Variants in KIAA1614 observed in about 807,000 individuals in gnomAD.
KIAA1614 encodes the protein KIAA1614, also known as uncharacterized protein KIAA1614.
Under a neutral mutation model 88.7 loss-of-function variants are expected in KIAA1614, and 76 were observed. The ratio of observed to expected loss-of-function variants is 0.86; its 90% CI spans 0.71 to 1.04. KIAA1614 has a LOEUF of 1.04. KIAA1614 is among the 50% of genes least tolerant of loss of function. The probability of loss-of-function intolerance (pLI) is 0.00; values close to 1 mark genes in which losing one functional copy is unlikely to be tolerated. For synonymous variants in KIAA1614, 714 were observed against 675.5 expected (o/e 1.06, Z -0.88); for missense variants, 1,553 against 1,582.5 (o/e 0.98, Z 0.32).
At chr1:180,934,412 G>A (rs561492964) in intron 4 of KIAA1614, among the ~76,000 whole-genome samples, 2 of 152,044 alleles carry the variant, frequency 1.3e-5, no homozygotes, top group African/African-American at 4.8e-5. Flanking sequence ...AACATAGTGA[G>A]ACCTCATCTA....
chr1:180,942,326 C>T (rs1654487331), intron 7 of KIAA1614, among the ~76,000 whole-genome samples: 1 of 152,238 alleles, frequency 6.6e-6, no homozygotes, highest in African/African-American at 2.4e-5. Context: ...GCTCTGCAAC[C>T]AGGAGCAGCA....
Position 180,917,058 on chromosome 1 carries a change from G to A in KIAA1614, c.955G>A (p.Gly319Arg), listed in dbSNP as rs778998407. The part of the protein sequence containing the change: ...NVSGQSPRKV[G>R]TPAWTPSWDT... Reference sequence around the variant, plus strand: ...TTCTGGGCAGAGCCCCCGCAAGGTGGGAACCCCTGCCTGGACTCCATCCTG... The same window carrying A: ...TTCTGGGCAGAGCCCCCGCAAGGTGAGAACCCCTGCCTGGACTCCATCCTG... The change falls in exon 2 of 9, where the codon GGA (glycine) becomes AGA (arginine). Residue 319 changes from glycine (G) to arginine (R), a missense_variant. Transcript: ENST00000367588. 7 of 1,613,672 alleles carry A rather than the reference G, an allele frequency of 4.3e-6. No individual in the cohort carries two copies. The East Asian group carries it at 1.3e-4, about 31-fold the overall frequency.
rs899585586 is a variant in KIAA1614, at chr1:180,945,909, A to G, written c.*321A>G. On this transcript the variant is annotated 3_prime_UTR_variant, in exon 9 of 9. Coordinates refer to ENST00000367588, the MANE Select transcript of KIAA1614 (RefSeq NM_020950.2). ...CACCTGAGGTCAGGAGTTCGAGACCAGTCTGGCCCACATGGTGAAACCCAT... is the reference window on the plus strand; with the variant it reads ...CACCTGAGGTCAGGAGTTCGAGACCGGTCTGGCCCACATGGTGAAACCCAT... 8 of 634,340 alleles carry G rather than the reference A, an allele frequency of 1.3e-5. No individual in the cohort carries two copies. In the Admixed American group the frequency reaches 4.0e-4, roughly 32 times the overall value. The allele number at this position is 634,340 out of a possible 1,614,324, so 39.3% of individuals were successfully genotyped here.
At position 180,945,630 on chromosome 1, in the gene KIAA1614, A is replaced by C; in HGVS notation, c.*42A>C. On this transcript the variant is annotated 3_prime_UTR_variant, in exon 9 of 9. Coordinates refer to ENST00000367588, the MANE Select transcript of KIAA1614 (RefSeq NM_020950.2). ...AATTCAGAAAGCCTCTGACTACAGGACTAGGCTTCTCCCCTCAGGGGCTCT... is the reference window on the plus strand; with the variant it reads ...AATTCAGAAAGCCTCTGACTACAGGCCTAGGCTTCTCCCCTCAGGGGCTCT... 1 of 1,544,676 alleles carries C rather than the reference A, an allele frequency of 6.5e-7. No individual in the cohort carries two copies. The highest frequency in any genetic ancestry group is 2.4e-5 in the East Asian group (1 of 42,474).
chr1:180,940,869 A>T (rs1654443462), intron 6 of KIAA1614, among the ~76,000 whole-genome samples, 176 bp from the exon 7 acceptor site: 1 of 151,472 alleles, frequency 6.6e-6, no homozygotes, highest in Admixed American at 6.6e-5. Flanking sequence ...GAGCCACCAC[A>T]CCCGGCTTCC....
rs1220329945 is a variant in KIAA1614, at chr1:180,916,269, C to T, written c.166C>T (p.Pro56Ser). ...NGHPPRPWPC[P>S]QENRTSSLMA... The stretch of plus-strand genomic sequence containing the variant: ...ACACCCCCCAAGACCCTGGCCTTGC[C>T]CTCAGGAAAACAGAACATCCAGCCT... The change falls in exon 2 of 9, where the codon CCT becomes TCT. Residue 56 changes from proline (P) to serine (S), a missense_variant. Physicochemically the swap from Pro to Ser is moderately conservative, Grantham distance 74. Coordinates refer to ENST00000367588, the MANE Select transcript of KIAA1614 (RefSeq NM_020950.2). The T allele has an allele frequency of 1.2e-6, 2 of 1,613,674 alleles. No homozygotes were observed. The highest frequency in any genetic ancestry group is 1.7e-5 in the Admixed American group (1 of 59,998).
rs1028544697 is a variant in KIAA1614 at position 180,936,026 on chromosome 1, A to T, written c.2117A>T (p.Asp706Val). 2 of 1,614,048 alleles carry T rather than the reference A, an allele frequency of 1.2e-6. No homozygotes were observed. Among genetic ancestry groups the T allele is most frequent in the Non-Finnish European group, 1.7e-6 (2 of 1,179,934 alleles). Residue 706 changes from aspartate (D) to valine (V), a missense_variant, in exon 5 of 9, where the codon GAT becomes GTT. Transcript: ENST00000367588. ...TPEGTLFLRE[D>V]AKPPDLELKR... is the part of the protein sequence containing the mutation. ...GAAGGAACTCTATTTTTGAGAGAAG[A>T]TGCCAAGCCTCCTGACCTGGAGTTG...
In KIAA1614 at chr1:180,935,883, G is replaced by A. The variant is rs1654321663; in HGVS notation, c.1974G>A (p.Arg658=). Residue 658 remains arginine, a synonymous_variant, in exon 5 of 9, where the codon AGG becomes AGA. Transcript: ENST00000367588. The surrounding 1 kb of genome is among the most constrained non-coding windows in gnomAD (Gnocchi z 6.1). The stretch of plus-strand genomic sequence containing the variant: ...GGGGCTCCAGGCCTCGAGGCCACAG[G>A]TGGTCCAAGAAGGCTGAGGCGGAGC... ...RLRGSRPRGH[R]WSKKAEAELP... The A allele has an allele frequency of 1.2e-6, 2 of 1,613,920 alleles. No homozygotes were observed. Among genetic ancestry groups the A allele is most frequent in the Non-Finnish European group, 1.7e-6 (2 of 1,179,932 alleles).
chr1:180,930,535 A>G (rs1654174654), intron 4 of KIAA1614, among the ~76,000 whole-genome samples: 1 of 152,242 alleles, frequency 6.6e-6, no homozygotes. Context: ...TCTACTTTGT[A>G]GAGGCATTTA....
chr1:180,917,532 G>A (rs1300801154), intron 2 of KIAA1614, among the ~76,000 whole-genome samples: 1 of 152,128 alleles, frequency 6.6e-6, no homozygotes, highest in African/African-American at 2.4e-5. Context: ...GCTGAGCTCA[G>A]ACGGTAGCAC....
At position 180,945,724 on chromosome 1, in the gene KIAA1614, A is replaced by G; in HGVS notation, c.*136A>G. The G allele has an allele frequency of 7.2e-7, 1 of 1,395,834 alleles. No homozygotes were observed. Among genetic ancestry groups the G allele is most frequent in the East Asian group, 2.8e-5 (1 of 35,178 alleles). 86.5% of individuals were successfully genotyped at this position (1,395,834 alleles called of 1,614,324 possible). A position where few individuals can be genotyped will look rare whatever the true frequency, so the allele number is the denominator to read the frequency against. Reference sequence around the variant, plus strand: ...CCTTTGCCCTAGGCAACTGCAGCTGAGAGTGCGTTGGTGGGGAGTGTGCGG... The same window carrying G: ...CCTTTGCCCTAGGCAACTGCAGCTGGGAGTGCGTTGGTGGGGAGTGTGCGG... On this transcript the variant is annotated 3_prime_UTR_variant, in exon 9 of 9. Transcript: ENST00000367588.
chr1:180,930,769 A>G (rs1425474533), intron 4 of KIAA1614, among the ~76,000 whole-genome samples: 1 of 152,256 alleles, frequency 6.6e-6, no homozygotes, highest in African/African-American at 2.4e-5. Context: ...CCAGAAAAGA[A>G]TTACTGTGAC....
At chr1:180,943,028 G>GTTTTTTTTTTTGTTTTT (rs1485625453) in intron 7 of KIAA1614, among the ~76,000 whole-genome samples, 180 of 14,942 alleles carry the variant, frequency 0.012, 1 homozygote, top group South Asian at 0.037. Context: ...AGTTTTTTGG[G>GTTTTTTTTTTTGTTTTT]TTTTTTTTTT....
intron 3 of KIAA1614, 31 bp downstream of exon 3, chr1:180,917,945 C>T (rs898334412): frequency 8.2e-6 from 13 of 1,583,276 alleles, no homozygotes; most frequent in Non-Finnish European, 1.1e-5. Flanking sequence ...TTTTCTCTCC[C>T]TCCCTCCTCA....
At chr1:180,939,952 C>G (rs998541184) in intron 6 of KIAA1614, among the ~76,000 whole-genome samples, 1 of 152,250 alleles carries the variant, frequency 6.6e-6, no homozygotes, top group South Asian at 2.1e-4. Flanking sequence ...CACACCTGGA[C>G]TACTCAACTC....
rs1653860480 is a variant in KIAA1614 at position 180,918,045 on chromosome 1, G to A, written c.1061+131G>A. On this transcript the variant is annotated intron_variant, in intron 3 of 8. Transcript: ENST00000367588. ...AGACTCCTGCACCAGCAGACCAGTG[G>A]ACGTCATCATCCCTGAGACCCTGCA... The A allele has an allele frequency of 6.7e-6, 5 of 747,702 alleles. No homozygotes were observed. In the South Asian group the frequency reaches 8.0e-5, roughly 12 times the overall value. 46.3% of individuals were successfully genotyped at this position (747,702 alleles called of 1,614,324 possible).
At chr1:180,930,402 G>C (rs1654171730) in intron 4 of KIAA1614, among the ~76,000 whole-genome samples, 1 of 151,832 alleles carries the variant, frequency 6.6e-6, no homozygotes, top group African/African-American at 2.4e-5. Context: ...CTGGGCGACA[G>C]AGCAAAACTC....
At chr1:180,917,194 G>C (rs577900534) in intron 2 of KIAA1614, 94 bp downstream of exon 2, 1 of 951,200 alleles carries the variant, frequency 1.1e-6, no homozygotes, top group Non-Finnish European at 1.6e-6. Context: ...GAGGGAGTGG[G>C]GCAGGAAAGG....
In KIAA1614 at chr1:180,944,520, T is replaced by A. The variant is rs537563119; in HGVS notation, c.3287+4T>A. 39 of 1,612,832 alleles carry A rather than the reference T, an allele frequency of 2.4e-5. No homozygotes were observed. The African/African-American group carries it at 4.1e-4, about 17-fold the overall frequency. ...GGGACCACAGTGCAGCTGGCAGGTA[T>A]GAGGGGCACACATGGTTTGGAGGAT... On this transcript the variant is annotated splice_donor_region_variant and intron_variant, in intron 8 of 8. Coordinates refer to ENST00000367588, the MANE Select transcript of KIAA1614 (RefSeq NM_020950.2).
Sources: allele counts gnomAD v4.1 joint callset (sites outside exome capture counted in the v4.1 genomes callset), GRCh38; gene constraint gnomAD v4.1.1; non-coding constraint Gnocchi (gnomAD v3.1); transcripts MANE v1.5; gene names NCBI Gene and HGNC (gene_info 2026-07-23, HGNC 2026-07-21).